The following NALF1 variants were observed in gnomAD, a reference collection of about 807,000 sequenced individuals.
The protein encoded by NALF1 is family with sequence similarity 155 member A.
NALF1 carries 3 observed loss-of-function variants against 48.4 expected under a neutral mutation model. That is an observed-to-expected ratio of 0.06 (90% CI 0.03 to 0.16). The LOEUF is 0.16. NALF1 is among the 10% of genes least tolerant of loss of function. NALF1 has a pLI of 1.00. For synonymous variants in NALF1, 262 were observed against 245.7 expected (o/e 1.07, Z -0.62); for missense variants, 526 against 571.5 (o/e 0.92, Z 0.81).
chr13:107,623,913 T>C (rs1024167004), intron 1 of NALF1, among the ~76,000 whole-genome samples: 6 of 152,192 alleles, frequency 3.9e-5, no homozygotes, highest in African/African-American at 1.4e-4. Flanking sequence ...CAAAAGCATT[T>C]TGCAGCAAGA....
chr13:107,264,199 A>AT (rs1464447183), intron 1 of NALF1, among the ~76,000 whole-genome samples: 3 of 152,318 alleles, frequency 2.0e-5, no homozygotes, highest in Middle Eastern at 6.8e-3. Flanking sequence ...GGCAAATTAA[A>AT]TTTTTTATCA....
chr13:107,525,979 GGTTT>G (rs1197622521), intron 1 of NALF1, among the ~76,000 whole-genome samples: 1 of 151,500 alleles, frequency 6.6e-6, no homozygotes, highest in Admixed American at 6.6e-5. Flanking sequence ...TTTTTTAATT[GGTTT>G]GTTTCTGTTT....
chr13:107,556,135 C>A (rs1228879996), intron 1 of NALF1, among the ~76,000 whole-genome samples: 1 of 151,730 alleles, frequency 6.6e-6, no homozygotes, highest in African/African-American at 2.4e-5. Flanking sequence ...TGAAGAGAAC[C>A]TGACCAATTT....
chr13:107,458,464 G>A (rs1566350782), intron 1 of NALF1, among the ~76,000 whole-genome samples: 2 of 152,202 alleles, frequency 1.3e-5, no homozygotes, highest in East Asian at 1.9e-4. Flanking sequence ...GCAATACAGG[G>A]ATGCCCAGTA....
chr13:107,757,106 T>G (rs914021119), intron 1 of NALF1, among the ~76,000 whole-genome samples: 2 of 152,202 alleles, frequency 1.3e-5, no homozygotes, highest in Non-Finnish European at 2.9e-5. Flanking sequence ...TCTGATGAGA[T>G]GCAAGAAATA....
intron 1 of NALF1, among the ~76,000 whole-genome samples, chr13:107,698,717 A>G (rs939923586): frequency 1.3e-5 from 2 of 152,142 alleles, no homozygotes; most frequent in Non-Finnish European, 2.9e-5. Context: ...TGGACACAAC[A>G]GTATGCAGAA....
At chr13:107,393,157 T>G (rs2138984671) in intron 1 of NALF1, among the ~76,000 whole-genome samples, 1 of 152,232 alleles carries the variant, frequency 6.6e-6, no homozygotes, top group East Asian at 1.9e-4. Context: ...CTAAATAATC[T>G]ATTAACGGGA....
At chr13:107,595,166 G>C (rs957628351) in intron 1 of NALF1, among the ~76,000 whole-genome samples, 6 of 152,068 alleles carry the variant, frequency 3.9e-5, no homozygotes, top group Non-Finnish European at 5.9e-5. Context: ...AAATCTTTCA[G>C]TCTCTTTAAA....
intron 1 of NALF1, among the ~76,000 whole-genome samples, chr13:107,533,980 T>C (rs999013431): frequency 2.6e-5 from 4 of 151,958 alleles, no homozygotes; most frequent in Non-Finnish European, 4.4e-5. Flanking sequence ...GGGGACCAAA[T>C]ATCCTGCAAA....
chr13:107,197,579 C>A (rs1218172885), intron 2 of NALF1, among the ~76,000 whole-genome samples: 1 of 152,192 alleles, frequency 6.6e-6, no homozygotes, highest in Non-Finnish European at 1.5e-5. Context: ...TGTTCCTAGC[C>A]GTTCACTGCA....
At chr13:107,674,854 G>A (rs1201053948) in intron 1 of NALF1, among the ~76,000 whole-genome samples, 1 of 152,128 alleles carries the variant, frequency 6.6e-6, no homozygotes, top group Non-Finnish European at 1.5e-5. Flanking sequence ...GTGTGTTGCC[G>A]AAATGTTTCT....
At chr13:107,696,953 T>C (rs541303719) in intron 1 of NALF1, among the ~76,000 whole-genome samples, 37 of 152,332 alleles carry the variant, frequency 2.4e-4, no homozygotes, top group African/African-American at 8.9e-4. Flanking sequence ...TTAGAATATG[T>C]ATAATTGCTT....
chr13:107,271,932 C>T (rs2138864787), intron 1 of NALF1, among the ~76,000 whole-genome samples: 1 of 151,328 alleles, frequency 6.6e-6, no homozygotes, highest in African/African-American at 2.4e-5. Flanking sequence ...GCACATAACT[C>T]TCTATATGTT....
At chr13:107,457,168 T>C (rs1317069957) in intron 1 of NALF1, among the ~76,000 whole-genome samples, 1 of 152,180 alleles carries the variant, frequency 6.6e-6, no homozygotes, top group Non-Finnish European at 1.5e-5. Context: ...CTAAAGAACT[T>C]TATTTTCGAA....
At chr13:107,647,561 T>C (rs889623706) in intron 1 of NALF1, among the ~76,000 whole-genome samples, 19 of 151,966 alleles carry the variant, frequency 1.3e-4, no homozygotes, top group Admixed American at 1.1e-3. Context: ...GAAACCTTAA[T>C]AACATAAGAT....
At chr13:107,736,314 G>A (rs952293167) in intron 1 of NALF1, among the ~76,000 whole-genome samples, 5 of 152,004 alleles carry the variant, frequency 3.3e-5, no homozygotes, top group Admixed American at 6.6e-5. Flanking sequence ...CAGTGGCGGC[G>A]GCGGCATTTC....
intron 1 of NALF1, among the ~76,000 whole-genome samples, chr13:107,293,059 C>A (rs1481784501): frequency 6.8e-6 from 1 of 147,428 alleles, no homozygotes. Context: ...CAGCTCACTG[C>A]AAGCTCTGCC....
chr13:107,823,292 T>C (rs949948768), intron 1 of NALF1, among the ~76,000 whole-genome samples: 10 of 152,208 alleles, frequency 6.6e-5, no homozygotes, highest in Admixed American at 2.0e-4. Context: ...CACTGAACTG[T>C]TGAGTTCAAG....
At chr13:107,850,942 G>A (rs1157107885) in intron 1 of NALF1, among the ~76,000 whole-genome samples, 3 of 151,952 alleles carry the variant, frequency 2.0e-5, no homozygotes, top group Non-Finnish European at 4.4e-5. Context: ...GAAAATTGCT[G>A]TGAACAATTT....
Sources: gnomAD v4.1 joint callset for allele counts (sites outside exome capture counted in the v4.1 genomes callset) on GRCh38, gnomAD v4.1.1 for gene constraint, MANE v1.5 for transcripts, NCBI Gene and HGNC (gene_info 2026-07-23, HGNC 2026-07-21) for gene names.